Variants in SLC26A8 observed in about 807,000 individuals in gnomAD.
SLC26A8 encodes solute carrier family 26 member 8.
SLC26A8 carries 70 observed loss-of-function variants against 105.0 expected under a neutral mutation model. The observed-to-expected ratio is 0.67, with a 90% CI of 0.55 to 0.81. The LOEUF (loss-of-function observed/expected upper bound fraction) is 0.81, where lower values mean the gene tolerates loss of function less well. SLC26A8 is among the 40% of genes least tolerant of loss of function. The pLI, the probability that SLC26A8 is intolerant of heterozygous loss-of-function variation, is 0.00. For missense variants in SLC26A8, 998 were observed against 1,181.8 expected, an observed-to-expected ratio of 0.84 and a Z score of 2.28; for synonymous variants, 415 against 438.3, an observed-to-expected ratio of 0.95 and a Z score of 0.66.
chr6:35,955,884 C>T (rs886771901), intron 16 of SLC26A8, among the ~76,000 whole-genome samples: 1 of 152,114 alleles, frequency 6.6e-6, no homozygotes, highest in South Asian at 2.1e-4. Flanking sequence ...CCATCAGTCC[C>T]TTGTCTCAGC....
intron 11 of SLC26A8, among the ~76,000 whole-genome samples, chr6:35,967,444 C>A (rs1581641157): frequency 6.6e-6 from 1 of 152,156 alleles, no homozygotes; most frequent in East Asian, 1.9e-4. Context: ...TGAGTATAGA[C>A]CTACTGTAAC....
At chr6:35,996,638 C>G (rs1761358332) in intron 5 of SLC26A8, among the ~76,000 whole-genome samples, 1 of 152,108 alleles carries the variant, frequency 6.6e-6, no homozygotes, top group Non-Finnish European at 1.5e-5. Flanking sequence ...CCTCAACCTC[C>G]TGGGCTCAAG....
intron 10 of SLC26A8, among the ~76,000 whole-genome samples, chr6:35,971,296 T>G (rs1185693906): frequency 6.6e-6 from 1 of 152,132 alleles, no homozygotes; most frequent in African/African-American, 2.4e-5. Flanking sequence ...TGTCTGCATG[T>G]TTTACATCTC....
chr6:35,961,628 C>T (rs980227535), intron 12 of SLC26A8, among the ~76,000 whole-genome samples: 5 of 152,206 alleles, frequency 3.3e-5, no homozygotes, highest in Non-Finnish European at 7.3e-5. Context: ...TCTTCCGTCC[C>T]TTTGGAAGTG....
intron 2 of SLC26A8, 130 bp downstream of exon 2, chr6:36,019,390 A>C (rs1319830710): frequency 9.9e-6 from 10 of 1,014,160 alleles, no homozygotes; most frequent in Admixed American, 9.3e-5. Flanking sequence ...ACTGAAGAAA[A>C]ATTGCACAAT....
intron 7 of SLC26A8, among the ~76,000 whole-genome samples, chr6:35,986,170 G>C (rs1424196542): frequency 6.6e-6 from 1 of 151,656 alleles, no homozygotes. Flanking sequence ...ATGTAGCTGG[G>C]ATTACAGGCA....
At chr6:35,986,352 A>C (rs980549644) in intron 7 of SLC26A8, among the ~76,000 whole-genome samples, 36 of 152,168 alleles carry the variant, frequency 2.4e-4, no homozygotes, top group African/African-American at 8.2e-4. Flanking sequence ...TGGTGTGGTG[A>C]AAACACTTAA....
intron 7 of SLC26A8, among the ~76,000 whole-genome samples, chr6:35,988,316 T>C (rs949595587): frequency 6.6e-6 from 1 of 152,210 alleles, no homozygotes; most frequent in African/African-American, 2.4e-5. Context: ...CTGTAAAAGA[T>C]AAATTTTATC....
intron 7 of SLC26A8, chr6:35,989,621 T>A (rs771521013): frequency 9.9e-5 from 15 of 152,222 alleles, no homozygotes; most frequent in Admixed American, 5.2e-4. Context: ...AAGCAGTATG[T>A]TCTAGGATCT....
At chr6:35,958,436 T>C (rs1301657171) in intron 16 of SLC26A8, among the ~76,000 whole-genome samples, 1 of 152,132 alleles carries the variant, frequency 6.6e-6, no homozygotes, top group Non-Finnish European at 1.5e-5. Flanking sequence ...GACAGCTATA[T>C]GCTATATTGC....
chr6:35,983,595 A>G (rs1773367403), intron 7 of SLC26A8, among the ~76,000 whole-genome samples: 1 of 148,916 alleles, frequency 6.7e-6, no homozygotes, highest in African/African-American at 2.5e-5. Flanking sequence ...CTTGTTGCCC[A>G]GGCTGGAGTG....
At chr6:35,976,334 G>A (rs1773022760) in intron 9 of SLC26A8, among the ~76,000 whole-genome samples, 1 of 151,422 alleles carries the variant, frequency 6.6e-6, no homozygotes, top group African/African-American at 2.4e-5. Context: ...TGAGGCAGGA[G>A]AATCGCTTGA....
Position 36,024,587 on chromosome 6 carries a change from C to CCGG in SLC26A8, c.-89_-87dup, listed in dbSNP as rs1265632982. 5.4e-6 allele frequency: 2 copies of CCGG among 371,038 alleles called. No individual in the cohort carries two copies. The highest frequency in any genetic ancestry group is 4.0e-5 in the South Asian group (2 of 50,020). The allele number at this position is 371,038 out of a possible 1,614,324, so 23.0% of individuals were successfully genotyped here. On this transcript the variant is annotated 5_prime_UTR_variant, in exon 1 of 20. Transcript: ENST00000490799. ...GCTGGCGGCGCTGCGGACGCGGATA[C>CCGG]CGGCGGCGGTTCCCGAGCCGTTGTG... is the stretch of plus-strand genomic sequence containing the variant.
intron 10 of SLC26A8, 112 bp from the exon 11 acceptor site, chr6:35,969,066 G>C: frequency 1.2e-6 from 1 of 856,680 alleles, no homozygotes; most frequent in Non-Finnish European, 1.9e-6. Flanking sequence ...AAAAGGAGTT[G>C]AGTTCAGTCC....
chr6:36,000,057 G>A lies in SLC26A8; in HGVS notation c.380C>T (p.Ala127Val), dbSNP rs564484360. 3.2e-5 allele frequency: 51 copies of A among 1,614,106 alleles called. No individual in the cohort carries two copies. In the Middle Eastern group the frequency reaches 6.6e-4, roughly 21 times the overall value. Residue 127 changes from alanine to valine, a missense_variant, in exon 4 of 20, where the codon GCT becomes GTT. Ala to Val is a moderately conservative substitution (Grantham distance 64, BLOSUM62 0). Transcript: ENST00000490799. The stretch of plus-strand genomic sequence containing the variant: ...TACCGAAGAACAGAAAGCTGCATAA[G>A]CGATGTTGAGAGGAGGAATCAGTTG... ...ARQLIPPLNI[A>V]YAAFCSSVIY...
At chr6:36,013,789 ATAACTT>A (rs1761926984) in intron 2 of SLC26A8, among the ~76,000 whole-genome samples, 1 of 152,232 alleles carries the variant, frequency 6.6e-6, no homozygotes, top group Admixed American at 6.5e-5. Flanking sequence ...AACAACAAAT[ATAACTT>A]TAACGTAGTC....
intron 17 of SLC26A8, among the ~76,000 whole-genome samples, chr6:35,952,834 T>G (rs1215600502): frequency 6.6e-6 from 1 of 151,856 alleles, no homozygotes; most frequent in African/African-American, 2.4e-5. Context: ...GCCAATATGG[T>G]GAAACCCCGT....
intron 2 of SLC26A8, among the ~76,000 whole-genome samples, chr6:36,018,654 T>A (rs1762053078): frequency 6.6e-6 from 1 of 152,232 alleles, no homozygotes; most frequent in Admixed American, 6.5e-5. Flanking sequence ...AAATAGCCAA[T>A]TTTATGTTAT....
At chr6:36,017,196 T>A (rs982899399) in intron 2 of SLC26A8, among the ~76,000 whole-genome samples, 3 of 148,646 alleles carry the variant, frequency 2.0e-5, no homozygotes, top group South Asian at 2.1e-4. Flanking sequence ...GAAAGAAGAA[T>A]GGAAGGAAGG....
Sources: allele counts gnomAD v4.1 joint callset (sites outside exome capture counted in the v4.1 genomes callset), GRCh38; gene constraint gnomAD v4.1.1; transcripts MANE v1.5; gene names NCBI Gene and HGNC (gene_info 2026-07-23, HGNC 2026-07-21).